EYA4: variants seen among roughly 807,000 people sequenced by gnomAD.
EYA4 encodes the protein EYA transcriptional coactivator and phosphatase 4.
A neutral mutation model predicts 87.9 loss-of-function variants in EYA4; 31 were observed. That is an observed-to-expected ratio of 0.35 (90% confidence interval 0.27 to 0.48). EYA4 has a LOEUF of 0.48. Among genes scored for constraint, EYA4 ranks in the 20% least tolerant of loss-of-function variants. The pLI, the probability that EYA4 is intolerant of heterozygous loss-of-function variation, is 0.99. For missense variants in EYA4, 678 were observed against 761.4 expected, an observed-to-expected ratio of 0.89 and a Z score of 1.29; for synonymous variants, 263 against 270.6, an observed-to-expected ratio of 0.97 and a Z score of 0.28.
At chr6:133,278,770 G>T (rs1777389755) in intron 2 of EYA4, among the ~76,000 whole-genome samples, 1 of 152,106 alleles carries the variant, frequency 6.6e-6, no homozygotes, top group African/African-American at 2.4e-5. Context: ...AGAATTTTAA[G>T]AGATAAGCAA....
intron 11 of EYA4, among the ~76,000 whole-genome samples, chr6:133,477,418 G>A (rs1795838909): frequency 6.6e-6 from 1 of 151,872 alleles, no homozygotes; most frequent in African/African-American, 2.4e-5. Flanking sequence ...GTCTTCTTTT[G>A]AGTGATGATC....
chr6:133,403,557 A>C (rs1583186540), intron 3 of EYA4, among the ~76,000 whole-genome samples: 2 of 152,350 alleles, frequency 1.3e-5, no homozygotes, highest in East Asian at 3.9e-4. Flanking sequence ...TTCCATATTA[A>C]AATGACCATT....
intron 1 of EYA4, among the ~76,000 whole-genome samples, chr6:133,265,718 C>G (rs1244962065): frequency 2.0e-5 from 3 of 152,102 alleles, no homozygotes; most frequent in Non-Finnish European, 2.9e-5. Flanking sequence ...AACAATTAAT[C>G]TAAATTTCAA....
chr6:133,334,303 A>C (rs752586030), intron 2 of EYA4, among the ~76,000 whole-genome samples: 6 of 152,250 alleles, frequency 3.9e-5, no homozygotes, highest in Non-Finnish European at 8.8e-5. Context: ...GAATTCGTGT[A>C]ACTCCTCACA....
At chr6:133,334,523 A>C (rs142321948) in intron 2 of EYA4, among the ~76,000 whole-genome samples, 10 of 152,288 alleles carry the variant, frequency 6.6e-5, no homozygotes, top group African/African-American at 2.4e-4. Context: ...AGCAGGCTCT[A>C]CCTGAATGTA....
chr6:133,396,339 A>G (rs532158440), intron 3 of EYA4, among the ~76,000 whole-genome samples: 2 of 152,272 alleles, frequency 1.3e-5, no homozygotes, highest in East Asian at 3.9e-4. Flanking sequence ...ATTTTCTATT[A>G]TTCTTCAAAT....
chr6:133,410,683 T>C (rs1198596501), intron 3 of EYA4, among the ~76,000 whole-genome samples: 1 of 150,838 alleles, frequency 6.6e-6, no homozygotes, highest in Non-Finnish European at 1.5e-5. Context: ...GAAGGCTCCC[T>C]ACTCTGTCCT....
chr6:133,357,270 C>CAAAAA (rs754202361), intron 2 of EYA4, among the ~76,000 whole-genome samples: 1,922 of 65,150 alleles, frequency 0.03, 183 homozygotes, highest in African/African-American at 0.11. Flanking sequence ...GACTCCGTCT[C>CAAAAA]AAAAAAAAAA....
rs145676899 is a variant in EYA4, at chr6:133,473,674, C to A, written c.970+4943C>A. On this transcript the variant is annotated intron_variant, in intron 11 of 19. Coordinates refer to ENST00000355286, the MANE Select transcript of EYA4 (RefSeq NM_004100.5). ...CTTATCTTCCTTTTATATCCTCCTACCTGTGGGCACACAGCCCCTTTGAAT... is the reference window on the plus strand; with the variant it reads ...CTTATCTTCCTTTTATATCCTCCTAACTGTGGGCACACAGCCCCTTTGAAT... Among the ~76,000 whole-genome samples, 618 of 152,006 alleles carry A rather than the reference C, an allele frequency of 4.1e-3. 2 individuals are homozygous for A. The highest frequency in any genetic ancestry group is 0.014 in the African/African-American group (581 of 41,512).
intron 2 of EYA4, among the ~76,000 whole-genome samples, chr6:133,331,902 G>A (rs2128385746): frequency 6.6e-6 from 1 of 152,344 alleles, no homozygotes; most frequent in East Asian, 1.9e-4. Flanking sequence ...TTTGGTATCA[G>A]CTATAGGTAT....
intron 2 of EYA4, among the ~76,000 whole-genome samples, chr6:133,354,497 A>G (rs566773683): frequency 6.6e-6 from 1 of 152,302 alleles, no homozygotes; most frequent in South Asian, 2.1e-4. Flanking sequence ...CATGTCATTT[A>G]TTCACCAGAA....
At chr6:133,415,456 C>G (rs1266698837) in intron 3 of EYA4, among the ~76,000 whole-genome samples, 1 of 152,160 alleles carries the variant, frequency 6.6e-6, no homozygotes, top group Admixed American at 6.5e-5. Flanking sequence ...GGCCTTTGCT[C>G]TGTCTGAGCC....
intron 14 of EYA4, among the ~76,000 whole-genome samples, chr6:133,509,059 A>G (rs962426225): frequency 6.6e-6 from 1 of 152,200 alleles, no homozygotes; most frequent in Non-Finnish European, 1.5e-5. Flanking sequence ...TTGCACATCC[A>G]GATAAAGTGC....
intron 5 of EYA4, among the ~76,000 whole-genome samples, 192 bp downstream of exon 5, chr6:133,448,371 T>A (rs1250705953): frequency 6.6e-6 from 1 of 152,234 alleles, no homozygotes; most frequent in African/African-American, 2.4e-5. Flanking sequence ...ATTCTTAGAT[T>A]TTTTTAGGTC....
At chr6:133,444,504 A>G (rs1792607839) in intron 3 of EYA4, among the ~76,000 whole-genome samples, 1 of 152,042 alleles carries the variant, frequency 6.6e-6, no homozygotes, top group Non-Finnish European at 1.5e-5. Flanking sequence ...GTTCCTTTTG[A>G]GGGGCATGAA....
In EYA4 at chr6:133,464,808, T is replaced by G; in HGVS notation, c.754T>G (p.Tyr252Asp). Residue 252 changes from tyrosine to aspartate, a missense_variant, in exon 10 of 20, where the codon TAT becomes GAT. Transcript: ENST00000355286. Reference sequence around the variant, plus strand: ...TAGTTTTGCACCATCATCTACTATTTATGCAAATAATTCAGTTTCCAATTC... The same window carrying G: ...TAGTTTTGCACCATCATCTACTATTGATGCAAATAATTCAGTTTCCAATTC... The part of the protein sequence containing the change: ...GSSFAPSSTI[Y>D]ANNSVSNSTN... 1 of 1,610,928 alleles carries G rather than the reference T, an allele frequency of 6.2e-7. No individual in the cohort carries two copies. The highest frequency in any genetic ancestry group is 2.2e-5 in the East Asian group (1 of 44,734).
intron 2 of EYA4, among the ~76,000 whole-genome samples, chr6:133,287,119 C>T (rs947907554): frequency 6.6e-6 from 1 of 152,154 alleles, no homozygotes; most frequent in Non-Finnish European, 1.5e-5. Context: ...GCCTGCAAAA[C>T]ATTTGAGAAA....
At chr6:133,445,665 G>A (rs1236701306) in intron 3 of EYA4, among the ~76,000 whole-genome samples, 1 of 150,394 alleles carries the variant, frequency 6.6e-6, no homozygotes. Context: ...TGCAAGCTCC[G>A]CATCCCAGGT....
At chr6:133,419,101 T>C (rs1210793750) in intron 3 of EYA4, among the ~76,000 whole-genome samples, 1 of 152,190 alleles carries the variant, frequency 6.6e-6, no homozygotes, top group Non-Finnish European at 1.5e-5. Context: ...AATTACTTAA[T>C]TTCTTTTGTT....
Sources: allele counts gnomAD v4.1 joint callset (sites outside exome capture counted in the v4.1 genomes callset), GRCh38; gene constraint gnomAD v4.1.1; transcripts MANE v1.5; gene names NCBI Gene and HGNC (gene_info 2026-07-23, HGNC 2026-07-21).